Variants in CHMP2B observed in about 807,000 individuals in gnomAD.
The protein encoded by CHMP2B is VPS2 homolog B.
In CHMP2B, 22 loss-of-function variants were observed where a neutral mutation model predicts 29.8. That is an observed-to-expected ratio of 0.74 (90% CI 0.53 to 1.05). The LOEUF is 1.05. CHMP2B is among the 50% of genes least tolerant of loss of function. CHMP2B has a pLI of 0.00. For synonymous variants in CHMP2B, 78 were observed against 75.8 expected (o/e 1.03, Z -0.15); for missense variants, 261 against 252.2 (o/e 1.03, Z -0.24).
At chr3:87,246,473 A>G (rs576057299) in intron 3 of CHMP2B, among the ~76,000 whole-genome samples, 1 of 152,070 alleles carries the variant, frequency 6.6e-6, no homozygotes, top group East Asian at 1.9e-4. Context: ...TGTAGCTTCT[A>G]ATTTTATGAA....
At position 87,255,363 on chromosome 3, in the gene CHMP2B, A is replaced by G. The variant is rs1160982419; in HGVS notation, c.*1541A>G. ...CGGATTATGGAATGTTTACCAGAAC[A>G]TGTTTTGATTCTTGAATGTACATAA... On this transcript the variant is annotated 3_prime_UTR_variant, in exon 6 of 6. Transcript: ENST00000263780. 6.6e-6 allele frequency: 1 copy of G among 152,490 alleles called. No homozygotes were observed. Among genetic ancestry groups the G allele is most frequent in the African/African-American group, 2.4e-5 (1 of 41,446 alleles). The allele number at this position is 152,490 out of a possible 1,614,324, so 9.4% of individuals were successfully genotyped here.
At chr3:87,250,065 A>T in intron 4 of CHMP2B, 88 bp downstream of exon 4, 1 of 784,602 alleles carries the variant, frequency 1.3e-6, no homozygotes, top group Non-Finnish European at 2.1e-6. Flanking sequence ...CTCATTCACG[A>T]AGGCAGAAAT....
intron 2 of CHMP2B, among the ~76,000 whole-genome samples, chr3:87,243,450 G>A (rs986578190): frequency 2.6e-5 from 4 of 152,060 alleles, no homozygotes. Context: ...CCAGGCGGCA[G>A]TGCAGTGTTT....
chr3:87,254,458 A>G lies in CHMP2B; in HGVS notation c.*636A>G, dbSNP rs1706368641. 6.6e-6 allele frequency: 1 copy of G among 152,494 alleles called. No homozygotes were observed. The highest frequency in any genetic ancestry group is 2.4e-5 in the African/African-American group (1 of 41,454). 9.4% of individuals were successfully genotyped at this position (152,494 alleles called of 1,614,324 possible). ...ACAGACCTATTGTGCACATCTTTAA[A>G]TTATTTCAGCTGGCAGAAAAGAATT... On this transcript the variant is annotated 3_prime_UTR_variant, in exon 6 of 6. Coordinates refer to ENST00000263780, the MANE Select transcript of CHMP2B (RefSeq NM_014043.4).
intron 1 of CHMP2B, among the ~76,000 whole-genome samples, chr3:87,238,011 C>A (rs1706044758): frequency 6.6e-6 from 1 of 152,086 alleles, no homozygotes; most frequent in Non-Finnish European, 1.5e-5. Context: ...AATTGAGAAA[C>A]AGAATAGGCA....
At chr3:87,252,928 C>A in intron 4 of CHMP2B, 1 of 160,954 alleles carries the variant, frequency 6.2e-6, no homozygotes, top group Non-Finnish European at 1.4e-5. Context: ...AATATTGAAC[C>A]TTAGATTTCT....
At chr3:87,236,337 A>G (rs968285771) in intron 1 of CHMP2B, among the ~76,000 whole-genome samples, 1 of 152,176 alleles carries the variant, frequency 6.6e-6, no homozygotes, top group Non-Finnish European at 1.5e-5. Context: ...ATCATTCAGG[A>G]AATTCCAAGG....
chr3:87,235,307 T>C (rs1329259350), intron 1 of CHMP2B, among the ~76,000 whole-genome samples: 2 of 152,182 alleles, frequency 1.3e-5, no homozygotes, highest in Non-Finnish European at 2.9e-5. Flanking sequence ...AAATGTGGAT[T>C]TAATATAGAG....
chr3:87,227,697 C>T, intron 1 of CHMP2B, 141 bp downstream of exon 1: 2 of 1,056,108 alleles, frequency 1.9e-6, no homozygotes, highest in South Asian at 1.3e-5. Flanking sequence ...CTCGCGGCAC[C>T]ACTTCTCTGC....
chr3:87,239,656 C>G (rs1706077673), intron 1 of CHMP2B, among the ~76,000 whole-genome samples: 1 of 152,114 alleles, frequency 6.6e-6, no homozygotes, highest in South Asian at 2.1e-4. Flanking sequence ...TGGCTTTGGG[C>G]AAGTCACTTA....
chr3:87,237,189 A>G (rs188483415), intron 1 of CHMP2B, among the ~76,000 whole-genome samples: 147 of 152,244 alleles, frequency 9.7e-4, no homozygotes, highest in African/African-American at 3.3e-3. Context: ...TAGATGTCTG[A>G]GGAAAGATGT....
intron 2 of CHMP2B, among the ~76,000 whole-genome samples, chr3:87,244,443 T>G (rs1261414718): frequency 6.6e-6 from 1 of 152,146 alleles, no homozygotes; most frequent in East Asian, 1.9e-4. Context: ...TTATGAAGTA[T>G]TCATTTTTTT....
At position 87,253,853 on chromosome 3, in the gene CHMP2B, A is replaced by C. The variant is rs929288189; in HGVS notation, c.*31A>C. ...AGAAGTCATACTATTTTGCTTACTTATAATTATGTAGTATAAACCAAGCAC... is the reference window on the plus strand; with the variant it reads ...AGAAGTCATACTATTTTGCTTACTTCTAATTATGTAGTATAAACCAAGCAC... On this transcript the variant is annotated 3_prime_UTR_variant, in exon 6 of 6. Coordinates refer to ENST00000263780, the MANE Select transcript of CHMP2B (RefSeq NM_014043.4). 5 of 1,502,294 alleles carry C rather than the reference A, an allele frequency of 3.3e-6. No individual in the cohort carries two copies. The highest frequency in any genetic ancestry group is 1.1e-5 in the South Asian group (1 of 88,580). The allele number at this position is 1,502,294 out of a possible 1,614,324, so 93.1% of individuals were successfully genotyped here.
chr3:87,243,158 C>A (rs1247061222), intron 2 of CHMP2B, among the ~76,000 whole-genome samples: 1 of 152,160 alleles, frequency 6.6e-6, no homozygotes, highest in Non-Finnish European at 1.5e-5. Flanking sequence ...CTTTCCTCAG[C>A]AGTGTTTTGT....
chr3:87,231,408 T>G (rs1438262667), intron 1 of CHMP2B, among the ~76,000 whole-genome samples: 1 of 152,200 alleles, frequency 6.6e-6, no homozygotes, highest in African/African-American at 2.4e-5. Flanking sequence ...AACTCTTTCC[T>G]CTATTCAGAT....
chr3:87,228,566 GT>G (rs1165792659), intron 1 of CHMP2B, among the ~76,000 whole-genome samples: 2 of 152,200 alleles, frequency 1.3e-5, no homozygotes, highest in African/African-American at 4.8e-5. Flanking sequence ...ATTCCTTTGT[GT>G]TGACTATTCC....
At chr3:87,238,580 C>T (rs1158271880) in intron 1 of CHMP2B, among the ~76,000 whole-genome samples, 2 of 152,158 alleles carry the variant, frequency 1.3e-5, no homozygotes, top group Non-Finnish European at 2.9e-5. Context: ...CTGGCATCTT[C>T]GCTTACCATA....
rs564124988 is a variant in CHMP2B at position 87,239,996 on chromosome 3, A to C, written c.35-703A>C. Among the ~76,000 whole-genome samples, 45 of 152,224 alleles carry C rather than the reference A, an allele frequency of 3.0e-4. 1 individual carries two copies. The highest frequency in any genetic ancestry group is 4.4e-5 in the Non-Finnish European group (3 of 68,000). On this transcript the variant is annotated intron_variant, in intron 1 of 5. Coordinates refer to ENST00000263780, the MANE Select transcript of CHMP2B (RefSeq NM_014043.4). The stretch of plus-strand genomic sequence containing the variant: ...TGCAGAAAACCAAACAGATTTAATA[A>C]ACATATAACCTGTCTTCCTTCCTGA...
chr3:87,233,796 G>C (rs1165400481), intron 1 of CHMP2B, among the ~76,000 whole-genome samples: 1 of 152,106 alleles, frequency 6.6e-6, no homozygotes, highest in Non-Finnish European at 1.5e-5. Context: ...ATGATGATTA[G>C]GTTTAGAGTA....
Sources: gnomAD v4.1 joint callset for allele counts (sites outside exome capture counted in the v4.1 genomes callset) on GRCh38, gnomAD v4.1.1 for gene constraint, MANE v1.5 for transcripts, NCBI Gene and HGNC (gene_info 2026-07-23, HGNC 2026-07-21) for gene names.